Variants in FAM227B observed in about 807,000 individuals in gnomAD.
FAM227B encodes the protein protein FAM227B.
A neutral mutation model predicts 73.8 loss-of-function variants in FAM227B; 88 were observed. The ratio of observed to expected loss-of-function variants is 1.19; its 90% CI spans 1.00 to 1.42. The LOEUF (loss-of-function observed/expected upper bound fraction) is 1.42, where lower values mean the gene tolerates loss of function less well. Among genes scored for constraint, FAM227B ranks in the 40% most tolerant of loss-of-function variants. The pLI, the probability that FAM227B is intolerant of heterozygous loss-of-function variation, is 0.00. For missense variants in FAM227B, 632 were observed against 590.9 expected, an observed-to-expected ratio of 1.07 and a Z score of -0.72; for synonymous variants, 210 against 190.5, an observed-to-expected ratio of 1.10 and a Z score of -0.84.
At chr15:49,578,377 C>T (rs1056873689) in intron 5 of FAM227B, among the ~76,000 whole-genome samples, 2 of 152,142 alleles carry the variant, frequency 1.3e-5, no homozygotes, top group Admixed American at 1.3e-4. Flanking sequence ...TACTACACTG[C>T]TTTATACACA....
intron 11 of FAM227B, among the ~76,000 whole-genome samples, chr15:49,380,460 T>TA (rs902488941): frequency 1.1e-4 from 16 of 151,244 alleles, no homozygotes; most frequent in Admixed American, 7.9e-4. Flanking sequence ...TTGCGTTGAT[T>TA]AAAAAAAAAT....
At chr15:49,507,433 A>T (rs927867716) in intron 11 of FAM227B, among the ~76,000 whole-genome samples, 1 of 152,124 alleles carries the variant, frequency 6.6e-6, no homozygotes, top group Non-Finnish European at 1.5e-5. Context: ...TTGCCTGCAC[A>T]TGAAATCATC....
At chr15:49,397,857 C>T (rs941374111) in intron 11 of FAM227B, among the ~76,000 whole-genome samples, 4 of 152,054 alleles carry the variant, frequency 2.6e-5, no homozygotes, top group Admixed American at 2.0e-4. Flanking sequence ...GTGCTAAACA[C>T]GGAAAGGAAC....
chr15:49,380,800 T>G (rs1362056885), intron 11 of FAM227B, among the ~76,000 whole-genome samples: 1 of 152,192 alleles, frequency 6.6e-6, no homozygotes, highest in Non-Finnish European at 1.5e-5. Context: ...TTTGATTTAA[T>G]TGGCCCCTTG....
chr15:49,403,008 G>T (rs1020847008), intron 11 of FAM227B, among the ~76,000 whole-genome samples: 1 of 152,102 alleles, frequency 6.6e-6, no homozygotes, highest in Non-Finnish European at 1.5e-5. Flanking sequence ...TTTTATTGAA[G>T]GCCTTTTTTC....
chr15:49,526,423 G>A (rs2060208359), intron 10 of FAM227B, among the ~76,000 whole-genome samples: 1 of 151,914 alleles, frequency 6.6e-6, no homozygotes, highest in Non-Finnish European at 1.5e-5. Flanking sequence ...AGTTTACAGT[G>A]TTAAATGCCA....
At chr15:49,506,184 A>G (rs1188842078) in intron 11 of FAM227B, among the ~76,000 whole-genome samples, 1 of 152,066 alleles carries the variant, frequency 6.6e-6, no homozygotes, top group Non-Finnish European at 1.5e-5. Flanking sequence ...TGAGTAATTA[A>G]TAGAACTAAA....
chr15:49,360,423 A>T (rs1410310919), intron 13 of FAM227B, among the ~76,000 whole-genome samples: 1 of 152,134 alleles, frequency 6.6e-6, no homozygotes, highest in Non-Finnish European at 1.5e-5. Context: ...AACGAGACCC[A>T]TACAGACTAC....
intron 11 of FAM227B, among the ~76,000 whole-genome samples, chr15:49,507,600 C>T (rs1008134182): frequency 1.3e-5 from 2 of 151,994 alleles, no homozygotes; most frequent in South Asian, 2.1e-4. Context: ...TGTAGAGTAA[C>T]TGAGGACTTT....
chr15:49,518,517 C>T (rs1379147452), intron 10 of FAM227B, among the ~76,000 whole-genome samples: 4 of 152,096 alleles, frequency 2.6e-5, no homozygotes, highest in Admixed American at 6.6e-5. Context: ...CAGTTTCACA[C>T]GGCTGGGGAG....
chr15:49,447,814 T>A (rs1159501706), intron 11 of FAM227B, among the ~76,000 whole-genome samples: 2 of 151,652 alleles, frequency 1.3e-5, no homozygotes, highest in Non-Finnish European at 3.0e-5. Context: ...GGAGAAAACA[T>A]GAAAACATAA....
chr15:49,588,711 G>A (rs948372363), intron 4 of FAM227B, among the ~76,000 whole-genome samples: 10 of 149,720 alleles, frequency 6.7e-5, no homozygotes, highest in Non-Finnish European at 1.3e-4. Flanking sequence ...ACACACATGG[G>A]TGTCTGTGTG....
chr15:49,597,531 A>G (rs2076952825), intron 3 of FAM227B, among the ~76,000 whole-genome samples: 1 of 152,058 alleles, frequency 6.6e-6, no homozygotes, highest in South Asian at 2.1e-4. Flanking sequence ...AGAGCACAAG[A>G]AGACAATCTA....
intron 11 of FAM227B, among the ~76,000 whole-genome samples, chr15:49,471,015 T>C (rs939060239): frequency 1.3e-5 from 2 of 152,250 alleles, no homozygotes; most frequent in Non-Finnish European, 2.9e-5. Flanking sequence ...ATGTATAATA[T>C]AAACTGTTTT....
chr15:49,443,314 T>C (rs561038106), intron 11 of FAM227B, among the ~76,000 whole-genome samples: 5 of 151,760 alleles, frequency 3.3e-5, no homozygotes, highest in Admixed American at 2.6e-4. Context: ...TTATTTCTAA[T>C]GTATTTATAT....
intron 11 of FAM227B, among the ~76,000 whole-genome samples, chr15:49,497,983 T>A (rs2057773428): frequency 6.6e-6 from 1 of 152,236 alleles, no homozygotes; most frequent in Non-Finnish European, 1.5e-5. Context: ...TCTGCTACCT[T>A]TCTGGCCTTT....
intron 1 of FAM227B, among the ~76,000 whole-genome samples, chr15:49,617,903 C>A (rs2078399620): frequency 6.6e-6 from 1 of 152,162 alleles, no homozygotes; most frequent in Admixed American, 6.5e-5. Context: ...TTTTTTCTCC[C>A]AGAAGATCTT....
intron 3 of FAM227B, among the ~76,000 whole-genome samples, chr15:49,608,100 G>A (rs2077641038): frequency 1.3e-5 from 2 of 152,104 alleles, no homozygotes; most frequent in Non-Finnish European, 2.9e-5. Flanking sequence ...AGTCTATGGT[G>A]ATTATATTAA....
chr15:49,478,000 T>A (rs1212159142), intron 11 of FAM227B, among the ~76,000 whole-genome samples: 4 of 152,054 alleles, frequency 2.6e-5, no homozygotes, highest in African/African-American at 4.8e-5. Flanking sequence ...GATACTGAGG[T>A]TTGAGGTATG....
Sources: gnomAD v4.1 joint callset for allele counts (sites outside exome capture counted in the v4.1 genomes callset) on GRCh38, gnomAD v4.1.1 for gene constraint, MANE v1.5 for transcripts, NCBI Gene and HGNC (gene_info 2026-07-23, HGNC 2026-07-21) for gene names.